The following ASTN1 variants were observed in gnomAD, a reference collection of about 807,000 sequenced individuals.
The protein encoded by ASTN1 is astrotactin-1.
Under a neutral mutation model 140.7 loss-of-function variants are expected in ASTN1, and 41 were observed. The observed-to-expected ratio is 0.29, with a 90% confidence interval of 0.23 to 0.38. The LOEUF (loss-of-function observed/expected upper bound fraction) is 0.38, where lower values mean the gene tolerates loss of function less well. ASTN1 is among the 10% of genes least tolerant of loss of function. ASTN1 has a pLI of 1.00. For missense variants in ASTN1, 1,479 were observed against 1,678.8 expected, an observed-to-expected ratio of 0.88 and a Z score of 2.08; for synonymous variants, 640 against 652.2, an observed-to-expected ratio of 0.98 and a Z score of 0.29.
intron 22 of ASTN1, among the ~76,000 whole-genome samples, chr1:176,866,849 C>G (rs1463784196): frequency 6.6e-6 from 1 of 152,120 alleles, no homozygotes; most frequent in Non-Finnish European, 1.5e-5. Flanking sequence ...AGTAAGTAGC[C>G]ATAGACCCTT....
At position 176,863,204 on chromosome 1, in the gene ASTN1, A is replaced by C; in HGVS notation, c.*1080T>G. The C allele has an allele frequency of 4.1e-6, 4 of 985,934 alleles. No homozygotes were observed. Among genetic ancestry groups the C allele is most frequent in the Non-Finnish European group, 4.8e-6 (4 of 829,950 alleles). The allele number at this position is 985,934 out of a possible 1,614,324, so 61.1% of individuals were successfully genotyped here. A position where few individuals can be genotyped will look rare whatever the true frequency, so the allele number is the denominator to read the frequency against. ...TCCTCCTGCTTATGGTCATCAGAGAAACGATTTGCAAAACTAGCAACACAA... is the reference window on the plus strand; with the variant it reads ...TCCTCCTGCTTATGGTCATCAGAGACACGATTTGCAAAACTAGCAACACAA... On this transcript the variant is annotated 3_prime_UTR_variant, in exon 23 of 23. Transcript: ENST00000361833.
At chr1:177,142,620 T>TA (rs928605555) in intron 1 of ASTN1, among the ~76,000 whole-genome samples, 5 of 151,844 alleles carry the variant, frequency 3.3e-5, no homozygotes, top group Non-Finnish European at 5.9e-5. Flanking sequence ...AAATGTTACA[T>TA]AAAAAAATGA....
chr1:177,072,162 A>G (rs1678676065), intron 1 of ASTN1, among the ~76,000 whole-genome samples: 1 of 152,184 alleles, frequency 6.6e-6, no homozygotes, highest in South Asian at 2.1e-4. Context: ...ATCATGAGCC[A>G]CTATGCTTGT....
chr1:176,895,279 A>G (rs1669458072), intron 16 of ASTN1, among the ~76,000 whole-genome samples: 1 of 152,238 alleles, frequency 6.6e-6, no homozygotes, highest in South Asian at 2.1e-4. Context: ...AACCATCATC[A>G]TAATAGTTTT....
intron 1 of ASTN1, among the ~76,000 whole-genome samples, chr1:177,070,584 T>A (rs199899996): frequency 0.022 from 35 of 1,626 alleles, no homozygotes; most frequent in East Asian, 0.11. Flanking sequence ...CAAGTAATAA[T>A]GTATGCACTG....
intron 2 of ASTN1, among the ~76,000 whole-genome samples, chr1:177,046,977 C>T (rs1677262567): frequency 1.3e-5 from 2 of 152,232 alleles, no homozygotes; most frequent in African/African-American, 4.8e-5. Flanking sequence ...TATTATCAGA[C>T]TTGCTCAGCC....
At chr1:177,061,904 T>C (rs1336352440) in intron 1 of ASTN1, among the ~76,000 whole-genome samples, 2 of 152,238 alleles carry the variant, frequency 1.3e-5, no homozygotes, top group African/African-American at 4.8e-5. Context: ...AGAGTTGGTA[T>C]ACATGAAGAA....
At chr1:176,925,612 G>T (rs1047737557) in intron 16 of ASTN1, among the ~76,000 whole-genome samples, 1 of 152,098 alleles carries the variant, frequency 6.6e-6, no homozygotes, top group African/African-American at 2.4e-5. Context: ...AGAGTTAATG[G>T]CAGTGGATCA....
intron 1 of ASTN1, among the ~76,000 whole-genome samples, chr1:177,159,259 T>C (rs1683379335): frequency 6.6e-6 from 1 of 152,128 alleles, no homozygotes; most frequent in Non-Finnish European, 1.5e-5. Flanking sequence ...CTCTCAATAC[T>C]ATAAATGAGC....
chr1:177,048,076 C>CT (rs1677334551), intron 2 of ASTN1, among the ~76,000 whole-genome samples: 1 of 152,158 alleles, frequency 6.6e-6, no homozygotes, highest in Admixed American at 6.5e-5. Context: ...CCACTCTTAA[C>CT]TTTTTTCATT....
intron 1 of ASTN1, among the ~76,000 whole-genome samples, chr1:177,102,622 T>A (rs1680355224): frequency 6.6e-6 from 1 of 152,150 alleles, no homozygotes; most frequent in African/African-American, 2.4e-5. Flanking sequence ...CTTAAACAGC[T>A]GGGATAATGA....
Position 177,160,474 on chromosome 1 carries a change from G to A in ASTN1, c.283+3920C>T, listed in dbSNP as rs570281936. On this transcript the variant is annotated intron_variant, in intron 1 of 22. Transcript: ENST00000361833. ...ATGACAGCTAAAGCAAAATGCCAAG[G>A]CACAAGAGAAACATCTTTCTTCACT... Among the ~76,000 whole-genome samples the A allele has an allele frequency of 2.0e-5, 3 of 152,272 alleles. No homozygotes were observed. In the East Asian group the frequency reaches 5.8e-4, roughly 29 times the overall value.
chr1:177,067,643 A>T (rs1678430094), intron 1 of ASTN1, among the ~76,000 whole-genome samples: 1 of 152,190 alleles, frequency 6.6e-6, no homozygotes, highest in Non-Finnish European at 1.5e-5. Flanking sequence ...GGTTAATAAC[A>T]GTAGGGGATC....
intron 1 of ASTN1, among the ~76,000 whole-genome samples, chr1:177,069,335 C>A (rs928069368): frequency 2.6e-5 from 4 of 152,150 alleles, no homozygotes; most frequent in African/African-American, 9.7e-5. Context: ...CTCTAAAAAT[C>A]TGCAATGTTA....
At chr1:177,012,067 G>A (rs1675323058) in intron 8 of ASTN1, among the ~76,000 whole-genome samples, 1 of 152,186 alleles carries the variant, frequency 6.6e-6, no homozygotes, top group Non-Finnish European at 1.5e-5. Context: ...CACATGGGCT[G>A]CTTACCTCCA....
intron 1 of ASTN1, among the ~76,000 whole-genome samples, chr1:177,116,398 G>T (rs925685876): frequency 6.6e-6 from 1 of 151,958 alleles, no homozygotes; most frequent in Non-Finnish European, 1.5e-5. Context: ...TCTCAGAATC[G>T]AAATACTTTT....
Position 177,032,450 on chromosome 1 carries a change from C to T in ASTN1, c.865+6G>A. On this transcript the variant is annotated splice_donor_region_variant and intron_variant, in intron 3 of 22. Transcript: ENST00000361833. ...AAACAGCCCCTTGCCTTTCTCCCAT[C>T]CCCACCTGGTGTGAGGTCCATCCCC... 6.8e-6 allele frequency: 11 copies of T among 1,611,142 alleles called. No homozygotes were observed. Among genetic ancestry groups the T allele is most frequent in the Non-Finnish European group, 8.5e-6 (10 of 1,178,328 alleles).
chr1:177,078,602 C>A (rs544485063), intron 1 of ASTN1, among the ~76,000 whole-genome samples: 1 of 152,242 alleles, frequency 6.6e-6, no homozygotes, highest in South Asian at 2.1e-4. Flanking sequence ...CTTATTTAGA[C>A]AATGAGAGAG....
chr1:177,048,959 C>T (rs1355121320), intron 2 of ASTN1, among the ~76,000 whole-genome samples: 2 of 152,236 alleles, frequency 1.3e-5, no homozygotes, highest in African/African-American at 2.4e-5. Flanking sequence ...ATAGCTCCCT[C>T]CCAGGATGGA....
Sources: gnomAD v4.1 joint callset for allele counts (sites outside exome capture counted in the v4.1 genomes callset) on GRCh38, gnomAD v4.1.1 for gene constraint, MANE v1.5 for transcripts, NCBI Gene and HGNC (gene_info 2026-07-23, HGNC 2026-07-21) for gene names.